Variants in POU6F2 observed in about 807,000 individuals in gnomAD.
POU6F2 encodes the protein POU domain, class 6, transcription factor 2.
In POU6F2, 31 loss-of-function variants were observed where a neutral mutation model predicts 71.3. The observed-to-expected ratio is 0.43, with a 90% confidence interval of 0.33 to 0.59. POU6F2 has a LOEUF of 0.59. Ranked by LOEUF, POU6F2 falls within the 20% of genes least tolerant of loss-of-function variation. POU6F2 has a pLI of 0.04. For missense variants in POU6F2, 783 were observed against 856.8 expected (o/e 0.91, Z 1.07); for synonymous variants, 347 against 355.7 (o/e 0.98, Z 0.27).
intron 1 of POU6F2, among the ~76,000 whole-genome samples, chr7:38,985,392 G>A (rs548437854): frequency 1.1e-4 from 16 of 152,072 alleles, no homozygotes; most frequent in African/African-American, 3.6e-4. Flanking sequence ...TATGGTCAGG[G>A]CGAACTCTGG....
chr7:39,300,270 C>G (rs536269409), intron 4 of POU6F2, among the ~76,000 whole-genome samples: 91 of 152,252 alleles, frequency 6.0e-4, no homozygotes, highest in Non-Finnish European at 1.1e-3. Context: ...AAGTGGAAGC[C>G]AGAATTCAGT....
chr7:39,031,429 A>G (rs1789939445), intron 1 of POU6F2, among the ~76,000 whole-genome samples: 2 of 152,366 alleles, frequency 1.3e-5, no homozygotes, highest in South Asian at 4.1e-4. Context: ...AAACAATGTC[A>G]GTGAATACAT....
At chr7:39,010,687 T>A (rs1398846806) in intron 1 of POU6F2, among the ~76,000 whole-genome samples, 1 of 140,530 alleles carries the variant, frequency 7.1e-6, no homozygotes, top group Non-Finnish European at 1.6e-5. Flanking sequence ...CTCTACACAC[T>A]GCTTTGAATG....
At chr7:39,440,033 G>A (rs914851678) in intron 7 of POU6F2, among the ~76,000 whole-genome samples, 1 of 152,212 alleles carries the variant, frequency 6.6e-6, no homozygotes, top group Non-Finnish European at 1.5e-5. Flanking sequence ...GGCTTGTAGA[G>A]TTTCTGCTGA....
intron 5 of POU6F2, among the ~76,000 whole-genome samples, chr7:39,346,093 A>G (rs989776399): frequency 8.5e-5 from 13 of 152,158 alleles, no homozygotes; most frequent in Admixed American, 3.9e-4. Context: ...AAGAAAGAAA[A>G]TCTCCTTTAA....
At chr7:39,442,723 G>A (rs1460907091) in intron 7 of POU6F2, among the ~76,000 whole-genome samples, 1 of 152,128 alleles carries the variant, frequency 6.6e-6, no homozygotes, top group East Asian at 1.9e-4. Flanking sequence ...AATTATCTCT[G>A]GGGGAAAATA....
chr7:39,329,950 C>A (rs1269510225), intron 4 of POU6F2, among the ~76,000 whole-genome samples: 2 of 152,180 alleles, frequency 1.3e-5, no homozygotes, highest in Non-Finnish European at 2.9e-5. Context: ...TAAAATGTAG[C>A]CATAGTTTTG....
At position 39,135,260 on chromosome 7, in the gene POU6F2, T is replaced by C. The variant is rs77065210; in HGVS notation, c.277+49229T>C. 3.7e-3 allele frequency among the ~76,000 whole-genome samples: 559 copies of C among 152,314 alleles called. 20 individuals are homozygous for C. The East Asian group carries it at 0.09, about 24-fold the overall frequency. ...GATATAGTCTATTAACTCAAATATT[T>C]ATCAAGTACTTACTATATATCAGGC... On this transcript the variant is annotated intron_variant, in intron 2 of 9. Transcript: ENST00000518318.
chr7:39,244,359 T>C (rs753604225), intron 4 of POU6F2, among the ~76,000 whole-genome samples: 1 of 152,162 alleles, frequency 6.6e-6, no homozygotes, highest in Non-Finnish European at 1.5e-5. Context: ...ACAGTCTGAT[T>C]CTGTGGCAAG....
At chr7:39,425,127 A>G (rs569454010) in intron 6 of POU6F2, among the ~76,000 whole-genome samples, 59 of 152,116 alleles carry the variant, frequency 3.9e-4, no homozygotes, top group Admixed American at 6.6e-4. Context: ...CCCATAAAGC[A>G]CTTTTGGAAT....
At chr7:39,351,632 C>A (rs1044765238) in intron 5 of POU6F2, among the ~76,000 whole-genome samples, 1 of 152,098 alleles carries the variant, frequency 6.6e-6, no homozygotes, top group Non-Finnish European at 1.5e-5. Context: ...TATGGATCCA[C>A]CTGAAATGCT....
At chr7:39,364,172 A>C (rs1468999610) in intron 5 of POU6F2, among the ~76,000 whole-genome samples, 1 of 152,066 alleles carries the variant, frequency 6.6e-6, no homozygotes, top group Admixed American at 6.5e-5. Context: ...TGTCATCCAC[A>C]GGAACGGAAC....
At chr7:39,377,050 G>A (rs2024103) in intron 5 of POU6F2, among the ~76,000 whole-genome samples, 23,459 of 147,462 alleles carry the variant, frequency 0.16, 1,917 homozygotes, top group East Asian at 0.24. Context: ...AAAATCAATT[G>A]TTTAATTTAT....
intron 1 of POU6F2, among the ~76,000 whole-genome samples, chr7:39,002,263 C>A (rs1788936787): frequency 6.6e-6 from 1 of 152,188 alleles, no homozygotes; most frequent in Non-Finnish European, 1.5e-5. Flanking sequence ...CTTCCTTAGG[C>A]AAAATCCAGA....
At chr7:39,097,284 A>G (rs1791474832) in intron 2 of POU6F2, among the ~76,000 whole-genome samples, 1 of 152,132 alleles carries the variant, frequency 6.6e-6, no homozygotes, top group Non-Finnish European at 1.5e-5. Context: ...GAAACATTCT[A>G]TTTTGGTAGG....
At chr7:39,077,452 T>G (rs2128719349) in intron 1 of POU6F2, among the ~76,000 whole-genome samples, 1 of 152,360 alleles carries the variant, frequency 6.6e-6, no homozygotes, top group South Asian at 2.1e-4. Context: ...GTCTACAGGT[T>G]TGCATTGATG....
At chr7:39,139,059 C>T (rs982097033) in intron 2 of POU6F2, among the ~76,000 whole-genome samples, 8 of 152,050 alleles carry the variant, frequency 5.3e-5, no homozygotes, top group Non-Finnish European at 8.8e-5. Context: ...TCTGTTGTCA[C>T]CCTCTTGAGC....
intron 3 of POU6F2, 140 bp downstream of exon 3, chr7:39,204,466 G>A (rs1793966375): frequency 3.3e-6 from 2 of 612,860 alleles, no homozygotes; most frequent in African/African-American, 1.8e-5. Context: ...ATGAAAAGCT[G>A]TATGACTACA....
chr7:39,251,951 G>A (rs1444613464), intron 4 of POU6F2, among the ~76,000 whole-genome samples: 2 of 152,166 alleles, frequency 1.3e-5, no homozygotes, highest in Non-Finnish European at 2.9e-5. Context: ...TATATGAAAG[G>A]GCTAGTAGCA....
Sources: gnomAD v4.1 joint callset for allele counts (sites outside exome capture counted in the v4.1 genomes callset) on GRCh38, gnomAD v4.1.1 for gene constraint, MANE v1.5 for transcripts, NCBI Gene and HGNC (gene_info 2026-07-23, HGNC 2026-07-21) for gene names.